Variants in GRID2 observed in about 807,000 individuals in gnomAD.
GRID2 encodes glutamate receptor ionotropic, delta-2.
A neutral mutation model predicts 114.8 loss-of-function variants in GRID2; 33 were observed. The observed-to-expected ratio is 0.29, with a 90% CI of 0.22 to 0.38. GRID2 has a LOEUF of 0.38. Ranked by LOEUF, GRID2 falls within the 10% of genes least tolerant of loss-of-function variation. The probability of loss-of-function intolerance (pLI) is 1.00; values close to 1 mark genes in which losing one functional copy is unlikely to be tolerated. For synonymous variants in GRID2, 505 were observed against 449.9 expected (o/e 1.12, Z -1.55); for missense variants, 1,184 against 1,257.7 (o/e 0.94, Z 0.89).
At chr4:93,149,905 G>A (rs1474250878) in intron 4 of GRID2, among the ~76,000 whole-genome samples, 1 of 151,724 alleles carries the variant, frequency 6.6e-6, no homozygotes, top group Non-Finnish European at 1.5e-5. Context: ...CAGTAGGCTG[G>A]GATTACAGGT....
chr4:93,315,264 C>G (rs755877659), intron 8 of GRID2, among the ~76,000 whole-genome samples: 1 of 152,126 alleles, frequency 6.6e-6, no homozygotes, highest in Non-Finnish European at 1.5e-5. Context: ...ACAGGTCCCT[C>G]GCTTCACACA....
At chr4:93,520,731 G>A (rs1193072940) in intron 13 of GRID2, among the ~76,000 whole-genome samples, 1 of 152,158 alleles carries the variant, frequency 6.6e-6, no homozygotes, top group African/African-American at 2.4e-5. Context: ...ATGGAAGGCA[G>A]CTAAATTTCT....
chr4:92,545,903 A>G (rs1050131354), intron 1 of GRID2, among the ~76,000 whole-genome samples: 1 of 152,202 alleles, frequency 6.6e-6, no homozygotes, highest in Non-Finnish European at 1.5e-5. Context: ...TCCAAATGAA[A>G]AATATTACTG....
chr4:93,083,820 G>A lies in GRID2; in HGVS notation c.245-1175G>A, dbSNP rs545239790. 1.8e-4 allele frequency among the ~76,000 whole-genome samples: 27 copies of A among 151,632 alleles called. No homozygotes were observed. In the South Asian group the frequency reaches 5.6e-3, roughly 32 times the overall value. On this transcript the variant is annotated intron_variant, in intron 2 of 15. Transcript: ENST00000282020. Reference sequence around the variant, plus strand: ...CAAATAATTATTCATTATTTTGCATGTATTGGTTGGCTTAGCATTAATAAA... The same window carrying A: ...CAAATAATTATTCATTATTTTGCATATATTGGTTGGCTTAGCATTAATAAA...
chr4:92,495,995 G>A (rs1019946843), intron 1 of GRID2, among the ~76,000 whole-genome samples: 1 of 151,808 alleles, frequency 6.6e-6, no homozygotes, highest in Non-Finnish European at 1.5e-5. Context: ...AAGTAAATAT[G>A]TATGAACTGA....
chr4:92,905,179 A>G (rs893778623), intron 2 of GRID2, among the ~76,000 whole-genome samples: 1 of 152,022 alleles, frequency 6.6e-6, no homozygotes, highest in Non-Finnish European at 1.5e-5. Flanking sequence ...ACGATCATAT[A>G]TTAGATGGTA....
At chr4:93,610,845 G>A (rs1311212542) in intron 13 of GRID2, among the ~76,000 whole-genome samples, 1 of 130,730 alleles carries the variant, frequency 7.6e-6, no homozygotes, top group East Asian at 2.2e-4. Context: ...AGTTAGGGAG[G>A]ATTCCCTCTT....
intron 2 of GRID2, among the ~76,000 whole-genome samples, chr4:92,851,774 G>A (rs1441085335): frequency 6.6e-6 from 1 of 151,858 alleles, no homozygotes; most frequent in Non-Finnish European, 1.5e-5. Context: ...ACATAATATT[G>A]CCTAGTGAGG....
chr4:92,426,671 C>A (rs1204264056), intron 1 of GRID2, among the ~76,000 whole-genome samples: 1 of 152,078 alleles, frequency 6.6e-6, no homozygotes, highest in African/African-American at 2.4e-5. Context: ...GAGCAAATAT[C>A]TTTCCTTTGA....
chr4:92,430,753 G>A (rs193023373), intron 1 of GRID2, among the ~76,000 whole-genome samples: 9 of 152,050 alleles, frequency 5.9e-5, no homozygotes, highest in East Asian at 3.9e-4. Context: ...GAATATCTCC[G>A]TTTTTTGTGT....
chr4:92,938,337 G>A (rs1438332771), intron 2 of GRID2, among the ~76,000 whole-genome samples: 2 of 145,868 alleles, frequency 1.4e-5, no homozygotes, highest in Non-Finnish European at 3.0e-5. Context: ...CATCTTTCTG[G>A]TTTTGTTTCA....
intron 8 of GRID2, among the ~76,000 whole-genome samples, chr4:93,245,923 A>G (rs778137545): frequency 2.0e-5 from 3 of 152,242 alleles, no homozygotes; most frequent in Non-Finnish European, 4.4e-5. Flanking sequence ...AGAACTACAA[A>G]GTCTAGTTGC....
At position 93,556,716 on chromosome 4, in the gene GRID2, G is replaced by A. The variant is rs141453166; in HGVS notation, c.2193+41305G>A. 5.8e-3 allele frequency among the ~76,000 whole-genome samples: 882 copies of A among 152,190 alleles called. 8 individuals are homozygous for A. Among genetic ancestry groups the A allele is most frequent in the African/African-American group, 0.02 (845 of 41,522 alleles). On this transcript the variant is annotated intron_variant, in intron 13 of 15. Transcript: ENST00000282020. ...GAACTTCCCCAACCTAGCAAGAGAG[G>A]CCAACATTCAAATTCAGGAAATATA...
At chr4:92,604,746 T>G (rs1183889826) in intron 2 of GRID2, among the ~76,000 whole-genome samples, 1 of 152,136 alleles carries the variant, frequency 6.6e-6, no homozygotes, top group Non-Finnish European at 1.5e-5. Flanking sequence ...GCAGGCTTTA[T>G]GTCAAACCAC....
chr4:93,616,392 C>T (rs2149675218), intron 13 of GRID2, among the ~76,000 whole-genome samples: 1 of 151,414 alleles, frequency 6.6e-6, no homozygotes, highest in Non-Finnish European at 1.5e-5. Flanking sequence ...AAAAATAATA[C>T]AAAAATTAGA....
chr4:92,469,146 T>C (rs1721898424), intron 1 of GRID2, among the ~76,000 whole-genome samples: 1 of 152,204 alleles, frequency 6.6e-6, no homozygotes, highest in Admixed American at 6.6e-5. Flanking sequence ...TCTTTGGCTA[T>C]TATTATCCCG....
intron 7 of GRID2, among the ~76,000 whole-genome samples, chr4:93,236,383 G>A (rs1386954895): frequency 1.3e-5 from 2 of 151,874 alleles, no homozygotes; most frequent in African/African-American, 4.8e-5. Flanking sequence ...ATGCTGATTC[G>A]GTCTCCAAGG....
intron 1 of GRID2, among the ~76,000 whole-genome samples, chr4:92,446,150 T>C (rs1178564900): frequency 6.6e-6 from 1 of 152,140 alleles, no homozygotes; most frequent in Admixed American, 6.5e-5. Context: ...TTTCACTATG[T>C]TGGCCAGGAT....
intron 2 of GRID2, among the ~76,000 whole-genome samples, chr4:92,614,446 AT>A (rs200537991): frequency 1.3e-5 from 2 of 151,366 alleles, no homozygotes; most frequent in East Asian, 1.9e-4. Flanking sequence ...CAGTTCAACA[AT>A]TTTTTTTCCA....
Sources: allele counts gnomAD v4.1 joint callset (sites outside exome capture counted in the v4.1 genomes callset), GRCh38; gene constraint gnomAD v4.1.1; transcripts MANE v1.5; gene names NCBI Gene and HGNC (gene_info 2026-07-23, HGNC 2026-07-21).